The following DLG2 variants were observed in gnomAD, a reference collection of about 807,000 sequenced individuals.
The protein encoded by DLG2 is disks large homolog 2.
DLG2 carries 45 observed loss-of-function variants against 132.5 expected under a neutral mutation model. That is an observed-to-expected ratio of 0.34 (90% CI 0.27 to 0.44). The LOEUF (loss-of-function observed/expected upper bound fraction) is 0.44. Ranked by LOEUF, DLG2 falls within the 20% of genes least tolerant of loss-of-function variation. DLG2 has a pLI of 1.00. For missense variants in DLG2, 1,045 were observed against 1,196.9 expected (o/e 0.87, Z 1.87); for synonymous variants, 424 against 419.6 (o/e 1.01, Z -0.13).
At chr11:84,751,186 A>C (rs986251938) in intron 6 of DLG2, among the ~76,000 whole-genome samples, 17 of 152,300 alleles carry the variant, frequency 1.1e-4, no homozygotes, top group Middle Eastern at 3.4e-3. Context: ...GTTCCAAGTC[A>C]GAAAGGATGA....
chr11:85,360,954 TAG>T (rs1442459485), intron 3 of DLG2, among the ~76,000 whole-genome samples: 2 of 152,168 alleles, frequency 1.3e-5, no homozygotes, highest in East Asian at 1.9e-4. Flanking sequence ...CTTACATGTA[TAG>T]AGAGTCTCAT....
At chr11:84,444,927 C>G (rs774820655) in intron 7 of DLG2, among the ~76,000 whole-genome samples, 3 of 151,898 alleles carry the variant, frequency 2.0e-5, no homozygotes, top group South Asian at 2.1e-4. Flanking sequence ...CTCCGCCTCC[C>G]GAATAGCTGG....
chr11:85,353,864 G>T (rs1156629183), intron 3 of DLG2, among the ~76,000 whole-genome samples: 4 of 151,992 alleles, frequency 2.6e-5, no homozygotes, highest in African/African-American at 9.7e-5. Context: ...GGGAGGGATA[G>T]CATTATGAAA....
chr11:85,525,538 C>T (rs577869067), intron 3 of DLG2, among the ~76,000 whole-genome samples: 1 of 152,258 alleles, frequency 6.6e-6, no homozygotes, highest in South Asian at 2.1e-4. Context: ...CAAATATGTA[C>T]AGACTCCTGA....
At chr11:84,744,896 T>A (rs1597147920) in intron 6 of DLG2, among the ~76,000 whole-genome samples, 2 of 108,642 alleles carry the variant, frequency 1.8e-5, no homozygotes, top group Non-Finnish European at 1.9e-5. Context: ...AAAGTAAAGG[T>A]CTAAAAAAAA....
At chr11:85,284,248 T>A (rs1251950844) in intron 4 of DLG2, among the ~76,000 whole-genome samples, 1 of 151,936 alleles carries the variant, frequency 6.6e-6, no homozygotes, top group Non-Finnish European at 1.5e-5. Flanking sequence ...GGTTGATATC[T>A]ATTATTTATC....
chr11:84,756,348 C>A (rs2066874905), intron 6 of DLG2, among the ~76,000 whole-genome samples: 1 of 152,160 alleles, frequency 6.6e-6, no homozygotes, highest in Non-Finnish European at 1.5e-5. Context: ...GTGGCTCACA[C>A]CTGTAATCCC....
intron 6 of DLG2, among the ~76,000 whole-genome samples, chr11:84,693,947 G>GT (rs1264862047): frequency 2.0e-5 from 3 of 151,652 alleles, no homozygotes; most frequent in East Asian, 3.9e-4. Context: ...CTCTCTATGG[G>GT]TTTTTTGTTC....
chr11:84,310,202 C>A (rs143090539), intron 7 of DLG2, among the ~76,000 whole-genome samples: 1 of 152,116 alleles, frequency 6.6e-6, no homozygotes, highest in African/African-American at 2.4e-5. Flanking sequence ...TATTTTACCT[C>A]CCAGCATACT....
chr11:84,472,355 G>T (rs557283465), intron 7 of DLG2, among the ~76,000 whole-genome samples: 1 of 151,910 alleles, frequency 6.6e-6, no homozygotes, highest in African/African-American at 2.4e-5. Flanking sequence ...TATAAAACTG[G>T]TTTTAAAAAT....
At chr11:83,734,778 A>C (rs1048210578) in intron 18 of DLG2, among the ~76,000 whole-genome samples, 1 of 152,128 alleles carries the variant, frequency 6.6e-6, no homozygotes, top group Non-Finnish European at 1.5e-5. Flanking sequence ...AATAAAATAG[A>C]AACTTCAGAG....
chr11:83,842,649 T>C (rs1023150510), intron 16 of DLG2, among the ~76,000 whole-genome samples: 3 of 150,618 alleles, frequency 2.0e-5, no homozygotes, highest in African/African-American at 7.3e-5. Context: ...AACCCGTCTC[T>C]ACTAAAAATA....
intron 6 of DLG2, among the ~76,000 whole-genome samples, chr11:84,909,122 A>C (rs2091834266): frequency 6.6e-6 from 1 of 152,096 alleles, no homozygotes; most frequent in African/African-American, 2.4e-5. Context: ...CCCTGCATCG[A>C]TGCACCTTTT....
In DLG2 at chr11:85,533,759, C is replaced by T. The variant is rs534831014; in HGVS notation, c.40+64898G>A. ...GTAAGAATCTATCTGGATTGTGAATCGGAAAACATTCTTTAGGTTCAGCGC... is the reference window on the plus strand; with the variant it reads ...GTAAGAATCTATCTGGATTGTGAATTGGAAAACATTCTTTAGGTTCAGCGC... On this transcript the variant is annotated intron_variant, in intron 3 of 27. Coordinates refer to ENST00000376104, the MANE Select transcript of DLG2 (RefSeq NM_001142699.3). 2.6e-4 allele frequency among the ~76,000 whole-genome samples: 40 copies of T among 152,216 alleles called. 1 individual carries two copies. Among genetic ancestry groups the T allele is most frequent in the South Asian group, 1.5e-3 (7 of 4,826 alleles).
chr11:84,719,487 C>T (rs570250091), intron 6 of DLG2, among the ~76,000 whole-genome samples: 157 of 152,310 alleles, frequency 1.0e-3, no homozygotes, highest in South Asian at 7.7e-3. Context: ...AGGACATGCA[C>T]TCAGGCCATT....
At chr11:85,430,288 CACATATAT>C (rs1041725184) in intron 3 of DLG2, among the ~76,000 whole-genome samples, 1 of 151,000 alleles carries the variant, frequency 6.6e-6, no homozygotes, top group African/African-American at 2.4e-5. Flanking sequence ...ACCAACATGG[CACATATAT>C]ACATATGTAA....
At chr11:85,090,169 A>G (rs1370142599) in intron 6 of DLG2, among the ~76,000 whole-genome samples, 2 of 152,228 alleles carry the variant, frequency 1.3e-5, no homozygotes. Context: ...GGATGATGTG[A>G]TGGAGACTGC....
At chr11:84,102,102 G>A (rs2092575992) in intron 9 of DLG2, among the ~76,000 whole-genome samples, 1 of 152,104 alleles carries the variant, frequency 6.6e-6, no homozygotes. Flanking sequence ...CATTTTTGAA[G>A]ATGTGGCTCA....
chr11:84,981,710 T>C (rs1322890472), intron 6 of DLG2, among the ~76,000 whole-genome samples: 1 of 152,106 alleles, frequency 6.6e-6, no homozygotes. Flanking sequence ...AAATAAAAGA[T>C]GCTCTCATGA....
Sources: allele counts gnomAD v4.1 joint callset (sites outside exome capture counted in the v4.1 genomes callset), GRCh38; gene constraint gnomAD v4.1.1; transcripts MANE v1.5; gene names NCBI Gene and HGNC (gene_info 2026-07-23, HGNC 2026-07-21).